Variants in SPPL2B observed in about 807,000 individuals in gnomAD.
SPPL2B encodes the protein signal peptide peptidase like 2B, also known as signal peptide peptidase-like 2B.
In SPPL2B, 39 loss-of-function variants were observed where a neutral mutation model predicts 59.7. The observed-to-expected ratio is 0.65, with a 90% confidence interval of 0.51 to 0.85. The LOEUF is 0.85. Among genes scored for constraint, SPPL2B ranks in the 40% least tolerant of loss-of-function variants. The probability of loss-of-function intolerance (pLI) is 0.00; values close to 1 mark genes in which losing one functional copy is unlikely to be tolerated. For missense variants in SPPL2B, 865 were observed against 849.0 expected (o/e 1.02, Z -0.23); for synonymous variants, 419 against 370.8 (o/e 1.13, Z -1.49).
chr19:2,341,039 C>G (rs749910990), intron 8 of SPPL2B, 25 bp downstream of exon 8: 1 of 1,560,260 alleles, frequency 6.4e-7, no homozygotes, highest in Admixed American at 1.7e-5. Context: ...CCCCGGGCCC[C>G]GGCGGGCAGC....
intron 13 of SPPL2B, among the ~76,000 whole-genome samples, chr19:2,347,947 G>A (rs28540476): frequency 0.35 from 6,533 of 18,594 alleles, 1,543 homozygotes; most frequent in Middle Eastern, 0.5. Context: ...ACACACACTC[G>A]CGCTCTCATT....
At position 2,339,160 on chromosome 19, in the gene SPPL2B, G is replaced by T. The variant is rs1260922029; in HGVS notation, c.551G>T (p.Gly184Val). The T allele has an allele frequency of 3.7e-6, 6 of 1,602,386 alleles. No individual in the cohort carries two copies. The highest frequency in any genetic ancestry group is 5.1e-6 in the Non-Finnish European group (6 of 1,174,694). The change falls in exon 5 of 15, where the codon GGC (glycine) becomes GTC (valine). Residue 184 changes from glycine to valine, a missense_variant. Coordinates refer to ENST00000613503, the MANE Select transcript of SPPL2B (RefSeq NM_152988.3). ...NMVIIFIMAVGTVAIGGYWAG... is the reference protein window; with the variant it reads ...NMVIIFIMAVVTVAIGGYWAG... ...GTCATCATCTTCATCATGGCTGTGG[G>T]CACCGTCGCCATCGGCGGCTACTGG...
Position 2,349,868 on chromosome 19 carries a change from TTCTC to T in SPPL2B, c.1355-1559_1355-1556del, listed in dbSNP as rs141728291. Among the ~76,000 whole-genome samples the T allele has an allele frequency of 5.1e-3, 693 of 136,018 alleles. 8 individuals are homozygous for T. The highest frequency in any genetic ancestry group is 0.016 in the African/African-American group (573 of 35,050). 89.2% of individuals were successfully genotyped at this position (136,018 alleles called of 152,430 possible). A position where few individuals can be genotyped will look rare whatever the true frequency, so the allele number is the denominator to read the frequency against. ...TCACGCTCTCATTCGCTTGATTCCG[TTCTC>T]TCTCTCCACACACACTCGCGCCCTC... On this transcript the variant is annotated intron_variant, in intron 13 of 14. Transcript: ENST00000613503.
intron 9 of SPPL2B, 74 bp from the exon 10 acceptor site, chr19:2,343,891 G>T (rs1000665432): frequency 5.1e-6 from 6 of 1,173,650 alleles, no homozygotes; most frequent in South Asian, 2.6e-5. Flanking sequence ...AGGAGGAGGC[G>T]CTGGGCCTCA....
In SPPL2B at chr19:2,353,362, A is replaced by AC. The variant is rs1970037969; in HGVS notation, c.*157dup. The AC allele has an allele frequency of 1.0e-6, 1 of 994,692 alleles. No homozygotes were observed. The highest frequency in any genetic ancestry group is 1.7e-5 in the African/African-American group (1 of 59,988). The allele number at this position is 994,692 out of a possible 1,614,324, so 61.6% of individuals were successfully genotyped here. A position where few individuals can be genotyped will look rare whatever the true frequency, so the allele number is the denominator to read the frequency against. On this transcript the variant is annotated 3_prime_UTR_variant, in exon 15 of 15. Coordinates refer to ENST00000613503, the MANE Select transcript of SPPL2B (RefSeq NM_152988.3). ...CAACATGGTGCTCATCCTTGCCGAGACCCCTGCGGTCTGTGCCCGCGCCCA... is the reference window on the plus strand; with the variant it reads ...CAACATGGTGCTCATCCTTGCCGAGACCCCCTGCGGTCTGTGCCCGCGCCCA...
In SPPL2B at chr19:2,351,597, G is replaced by C. The variant is rs1456945199; in HGVS notation, c.1515+3G>C. 1.2e-6 allele frequency: 2 copies of C among 1,605,998 alleles called. No homozygotes were observed. The highest frequency in any genetic ancestry group is 8.5e-7 in the Non-Finnish European group (1 of 1,175,668). ...TCTGGACGGGCAGCGGCTTTGCGGT[G>C]AATACCAGTTTGCTCTGACTGTGAG... is the stretch of plus-strand genomic sequence containing the variant. On this transcript the variant is annotated splice_donor_region_variant and intron_variant, in intron 14 of 14. Transcript: ENST00000613503.
chr19:2,337,085 G>A, intron 2 of SPPL2B: 1 of 215,836 alleles, frequency 4.6e-6, no homozygotes, highest in Non-Finnish European at 9.2e-6. Flanking sequence ...TTTGTTCTCT[G>A]CACACTGGAA....
intron 13 of SPPL2B, among the ~76,000 whole-genome samples, chr19:2,345,678 T>C (rs1198929295): frequency 6.6e-6 from 1 of 151,768 alleles, no homozygotes; most frequent in East Asian, 2.0e-4. Flanking sequence ...GGCCTGTGCC[T>C]GCAACCCCCT....
intron 2 of SPPL2B, among the ~76,000 whole-genome samples, chr19:2,335,214 T>TA (rs1968497803): frequency 7.2e-6 from 1 of 138,300 alleles, no homozygotes; most frequent in Non-Finnish European, 1.6e-5. Context: ...CCCGCCTCCT[T>TA]TCCACTGCAT....
intron 1 of SPPL2B, among the ~76,000 whole-genome samples, chr19:2,333,901 G>A (rs1360645241): frequency 1.3e-5 from 2 of 152,240 alleles, no homozygotes; most frequent in African/African-American, 4.8e-5. Context: ...GGAACATGAC[G>A]CTGTCTGTCC....
At chr19:2,340,845 G>A (rs1278652382) in intron 7 of SPPL2B, 53 bp from the exon 8 acceptor site, 59 of 1,163,146 alleles carry the variant, frequency 5.1e-5, no homozygotes, top group Non-Finnish European at 7.0e-5. Flanking sequence ...GGTGGGCAGT[G>A]GGATGAGGCC....
chr19:2,351,960 C>T (rs1027774793), intron 14 of SPPL2B, among the ~76,000 whole-genome samples: 4 of 152,244 alleles, frequency 2.6e-5, no homozygotes, highest in East Asian at 1.9e-4. Flanking sequence ...GCGTGGGCAT[C>T]GGGCATCCAT....
At chr19:2,341,866 G>T in intron 8 of SPPL2B, 1 of 310,504 alleles carries the variant, frequency 3.2e-6, no homozygotes, top group South Asian at 2.6e-5. Flanking sequence ...GGTAGGCCAA[G>T]GCAGGACGAT....
At chr19:2,346,885 G>A (rs1056965815) in intron 13 of SPPL2B, among the ~76,000 whole-genome samples, 2 of 152,170 alleles carry the variant, frequency 1.3e-5, no homozygotes, top group African/African-American at 4.8e-5. Context: ...GACGCTCCCC[G>A]TGGCATGGCG....
At chr19:2,330,406 T>C (rs1968221728) in intron 1 of SPPL2B, 1 of 152,014 alleles carries the variant, frequency 6.6e-6, no homozygotes, top group South Asian at 2.1e-4. Context: ...TGAGCCACCG[T>C]GCCCGGCCCC....
At chr19:2,345,879 C>A (rs1233108504) in intron 13 of SPPL2B, among the ~76,000 whole-genome samples, 3 of 151,528 alleles carry the variant, frequency 2.0e-5, no homozygotes, top group Admixed American at 1.3e-4. Flanking sequence ...CCGTCCCCGT[C>A]TTTCTCATTC....
intron 8 of SPPL2B, 60 bp downstream of exon 8, chr19:2,341,074 C>T (rs761130477): frequency 2.5e-6 from 3 of 1,219,638 alleles, no homozygotes; most frequent in African/African-American, 3.0e-5. Context: ...CACCAGGGCT[C>T]CTGGGGCCCT....
chr19:2,328,864 G>T, intron 1 of SPPL2B, 89 bp downstream of exon 1: 1 of 1,164,100 alleles, frequency 8.6e-7, no homozygotes, highest in Non-Finnish European at 1.1e-6. Flanking sequence ...GACCCCGCTC[G>T]GCCCGTCTTG....
rs769918768 is a variant in SPPL2B, at chr19:2,337,531, T to C, written c.275T>C (p.Leu92Pro). The C allele has an allele frequency of 5.6e-6, 9 of 1,613,110 alleles. No individual in the cohort carries two copies. Among genetic ancestry groups the C allele is most frequent in the Non-Finnish European group, 7.6e-6 (9 of 1,179,668 alleles). The change falls in exon 3 of 15, where the codon CTG (leucine) becomes CCG (proline). Residue 92 changes from leucine to proline, a missense_variant. Transcript: ENST00000613503. Reference sequence around the variant, plus strand: ...CGTGGCTTCAGCAACCAGATCCCGCTGGTGGCGCGGGGGAACTGCACCTTC... The same window carrying C: ...CGTGGCTTCAGCAACCAGATCCCGCCGGTGGCGCGGGGGAACTGCACCTTC... ...PARGFSNQIP[L>P]VARGNCTFYE... is the part of the protein sequence containing the mutation.
Sources: gnomAD v4.1 joint callset for allele counts (sites outside exome capture counted in the v4.1 genomes callset) on GRCh38, gnomAD v4.1.1 for gene constraint, MANE v1.5 for transcripts, NCBI Gene and HGNC (gene_info 2026-07-23, HGNC 2026-07-21) for gene names.